CTNNA2: variants seen among roughly 807,000 people sequenced by gnomAD.
CTNNA2 encodes catenin alpha-2.
Under a neutral mutation model 101.0 loss-of-function variants are expected in CTNNA2, and 42 were observed. The observed-to-expected ratio is 0.42, with a 90% CI of 0.32 to 0.54. The LOEUF (loss-of-function observed/expected upper bound fraction) is 0.54. Ranked by LOEUF, CTNNA2 falls within the 20% of genes least tolerant of loss-of-function variation. The pLI is 0.14. For synonymous variants in CTNNA2, 450 were observed against 456.4 expected (o/e 0.99, Z 0.18); for missense variants, 871 against 1,223.1 (o/e 0.71, Z 4.29).
At chr2:80,448,797 C>T (rs928779518) in intron 9 of CTNNA2, among the ~76,000 whole-genome samples, 1 of 152,042 alleles carries the variant, frequency 6.6e-6, no homozygotes, top group Non-Finnish European at 1.5e-5. Flanking sequence ...CTTCAGAAAA[C>T]CTGGAACCTA....
rs1238189022 is a variant in CTNNA2 at position 80,163,097 on chromosome 2, C to T, written c.1057-230114C>T. 4 of 1,580,664 alleles carry T rather than the reference C, an allele frequency of 2.5e-6. No individual in the cohort carries two copies. The East Asian group carries it at 8.9e-5, about 35-fold the overall frequency. ...GTTTGAAATTCACAAACGCAAACTG[C>T]TTTGGTTTACCATCCTTATCTTTTG... On this transcript the variant is annotated intron_variant, in intron 7 of 18. Transcript: ENST00000402739.
At chr2:79,403,534 A>G (rs1008293958) in intron 4 of CTNNA2, among the ~76,000 whole-genome samples, 1 of 152,022 alleles carries the variant, frequency 6.6e-6, no homozygotes, top group Non-Finnish European at 1.5e-5. Context: ...AGAAAGCTCT[A>G]TGAAACAGAC....
rs145567412 is a variant in CTNNA2, at chr2:80,379,783, C to T, written c.1057-13428C>T. 3.8e-3 allele frequency among the ~76,000 whole-genome samples: 571 copies of T among 152,200 alleles called. 3 individuals are homozygous for T. The highest frequency in any genetic ancestry group is 0.013 in the African/African-American group (535 of 41,530). On this transcript the variant is annotated intron_variant, in intron 7 of 18. Transcript: ENST00000402739. The stretch of plus-strand genomic sequence containing the variant: ...TATTAAAATGGAAAATTTCCATGCC[C>T]TACCCTAGAGATACTGAAACAGAGT...
intron 2 of CTNNA2, among the ~76,000 whole-genome samples, chr2:79,242,464 C>T (rs1674639420): frequency 6.6e-6 from 1 of 152,104 alleles, no homozygotes; most frequent in African/African-American, 2.4e-5. Flanking sequence ...TTCCTTCTAA[C>T]TTTGCGGTTT....
chr2:79,981,698 A>G (rs963706682), intron 7 of CTNNA2, among the ~76,000 whole-genome samples: 1 of 152,188 alleles, frequency 6.6e-6, no homozygotes, highest in Non-Finnish European at 1.5e-5. Flanking sequence ...AAGCAATTTT[A>G]TCGAGCAAAA....
At chr2:79,224,936 T>C (rs1295818851) in intron 2 of CTNNA2, among the ~76,000 whole-genome samples, 1 of 151,910 alleles carries the variant, frequency 6.6e-6, no homozygotes, top group Non-Finnish European at 1.5e-5. Context: ...CACATCCATG[T>C]GGTTGTGTAT....
intron 7 of CTNNA2, among the ~76,000 whole-genome samples, chr2:80,295,593 T>TGG (rs1212061426): frequency 6.6e-6 from 1 of 152,186 alleles, no homozygotes; most frequent in Non-Finnish European, 1.5e-5. Flanking sequence ...AGTTTTATTG[T>TGG]GGGGAAAAAA....
chr2:79,706,083 G>T (rs1285180912), intron 2 of CTNNA2, among the ~76,000 whole-genome samples: 1 of 152,076 alleles, frequency 6.6e-6, no homozygotes, highest in East Asian at 1.9e-4. Flanking sequence ...AGCATGTGTG[G>T]GCCAGGTGCG....
At chr2:80,559,891 T>TATATATATATATATATATATATATACAC (rs1553387588) in intron 12 of CTNNA2, among the ~76,000 whole-genome samples, 4 of 146,816 alleles carry the variant, frequency 2.7e-5, no homozygotes. Flanking sequence ...TATATATATA[T>TATATATATATATATATATATATATACAC]ACACACACAT....
chr2:79,277,768 G>A (rs1270039555), intron 2 of CTNNA2, among the ~76,000 whole-genome samples: 1 of 152,006 alleles, frequency 6.6e-6, no homozygotes, highest in Non-Finnish European at 1.5e-5. Context: ...AAAAAGTGGC[G>A]AATGGGACCA....
chr2:79,734,013 C>T (rs77106405), intron 2 of CTNNA2, among the ~76,000 whole-genome samples: 194 of 152,186 alleles, frequency 1.3e-3, no homozygotes, highest in African/African-American at 4.4e-3. Context: ...AACAGTCTAG[C>T]TTTACTTTGT....
chr2:80,443,727 C>T (rs1284331106), intron 9 of CTNNA2, among the ~76,000 whole-genome samples: 1 of 152,112 alleles, frequency 6.6e-6, no homozygotes. Context: ...TAATAGTGCC[C>T]AACTCAAACG....
At chr2:80,224,603 C>A (rs1427546246) in intron 7 of CTNNA2, among the ~76,000 whole-genome samples, 4 of 152,038 alleles carry the variant, frequency 2.6e-5, no homozygotes, top group African/African-American at 4.8e-5. Context: ...TGCCACCATG[C>A]CCGGCTAATG....
At chr2:80,354,906 G>C (rs943884055) in intron 7 of CTNNA2, among the ~76,000 whole-genome samples, 1 of 152,140 alleles carries the variant, frequency 6.6e-6, no homozygotes, top group Non-Finnish European at 1.5e-5. Flanking sequence ...GCTCTAGATG[G>C]GAGGGTGGAC....
chr2:79,668,372 T>C (rs1419170341), intron 2 of CTNNA2, among the ~76,000 whole-genome samples: 1 of 152,116 alleles, frequency 6.6e-6, no homozygotes, highest in Non-Finnish European at 1.5e-5. Flanking sequence ...TTAAGATATT[T>C]AAATGAATGT....
At chr2:80,176,794 A>G (rs1448479170) in intron 7 of CTNNA2, among the ~76,000 whole-genome samples, 1 of 152,164 alleles carries the variant, frequency 6.6e-6, no homozygotes, top group African/African-American at 2.4e-5. Context: ...CCAACCCTAT[A>G]ACTTCCTTTC....
intron 15 of CTNNA2, among the ~76,000 whole-genome samples, chr2:80,592,464 A>G (rs894554615): frequency 1.3e-5 from 2 of 152,182 alleles, no homozygotes; most frequent in Non-Finnish European, 2.9e-5. Context: ...CTAATTTTGT[A>G]CATGTTTAAC....
intron 7 of CTNNA2, among the ~76,000 whole-genome samples, chr2:79,959,078 G>T (rs904135151): frequency 6.6e-6 from 1 of 151,628 alleles, no homozygotes; most frequent in African/African-American, 2.4e-5. Flanking sequence ...TTTTCTGGAG[G>T]CAGGGTCTCA....
intron 1 of CTNNA2, among the ~76,000 whole-genome samples, chr2:79,649,706 T>A (rs1681083525): frequency 6.6e-6 from 1 of 152,168 alleles, no homozygotes; most frequent in African/African-American, 2.4e-5. Flanking sequence ...CCAACTATTG[T>A]TGTGATGAAG....
Sources: gnomAD v4.1 joint callset for allele counts (sites outside exome capture counted in the v4.1 genomes callset) on GRCh38, gnomAD v4.1.1 for gene constraint, MANE v1.5 for transcripts, NCBI Gene and HGNC (gene_info 2026-07-23, HGNC 2026-07-21) for gene names.